SUV39H2: variants seen among roughly 807,000 people sequenced by gnomAD.
The protein encoded by SUV39H2 is SUV39H2 histone lysine methyltransferase.
Under a neutral mutation model 47.5 loss-of-function variants are expected in SUV39H2, and 10 were observed. The observed-to-expected ratio is 0.21, with a 90% CI of 0.13 to 0.36. The LOEUF is 0.36. Ranked by LOEUF, SUV39H2 falls within the 10% of genes least tolerant of loss-of-function variation. The probability of loss-of-function intolerance (pLI) is 1.00; values close to 1 mark genes in which losing one functional copy is unlikely to be tolerated. For missense variants in SUV39H2, 266 were observed against 487.4 expected (o/e 0.55, Z 4.28); for synonymous variants, 159 against 166.8 (o/e 0.95, Z 0.36).
chr10:14,879,136 T>C lies in SUV39H2; in HGVS notation c.31+217T>C, dbSNP rs1289744286. 1.5e-5 allele frequency: 19 copies of C among 1,232,586 alleles called. No homozygotes were observed. In the East Asian group the frequency reaches 3.8e-4, roughly 24 times the overall value. The allele number at this position is 1,232,586 out of a possible 1,614,324, so 76.4% of individuals were successfully genotyped here. ...CGGCTCCCGCCGCGGAGGTGGGCACTGTCCGAGCCTGGGGCACTTCGGAAG... is the reference window on the plus strand; with the variant it reads ...CGGCTCCCGCCGCGGAGGTGGGCACCGTCCGAGCCTGGGGCACTTCGGAAG... On this transcript the variant is annotated intron_variant, in intron 1 of 5. Transcript: ENST00000354919.
At chr10:14,883,414 G>C (rs191112993) in intron 2 of SUV39H2, among the ~76,000 whole-genome samples, 40 of 151,898 alleles carry the variant, frequency 2.6e-4, no homozygotes, top group African/African-American at 9.6e-4. Flanking sequence ...GTACAATTCA[G>C]ATTTTGTAAA....
At chr10:14,901,301 A>C in intron 5 of SUV39H2, 39 bp downstream of exon 5, 1 of 1,611,160 alleles carries the variant, frequency 6.2e-7, no homozygotes, top group Non-Finnish European at 8.5e-7. Context: ...TGTCAGTTTC[A>C]ATATGAAGAA....
At chr10:14,879,083 A>G (rs1432420702) in intron 1 of SUV39H2, 164 bp downstream of exon 1, 3 of 1,284,432 alleles carry the variant, frequency 2.3e-6, no homozygotes, top group Non-Finnish European at 2.9e-6. Context: ...ATCCTCCCCC[A>G]GGCCGCTGAC....
intron 3 of SUV39H2, 182 bp from the exon 4 acceptor site, chr10:14,899,357 T>C (rs1251314597): frequency 2.8e-6 from 2 of 704,882 alleles, no homozygotes; most frequent in Non-Finnish European, 5.0e-6. Flanking sequence ...TTATCATTTT[T>C]CTTCCCCTCA....
chr10:14,881,678 C>G, intron 2 of SUV39H2, 33 bp downstream of exon 2: 6 of 1,392,108 alleles, frequency 4.3e-6, no homozygotes, highest in Non-Finnish European at 5.6e-6. Context: ...TACAAGAGAC[C>G]TAATCAGACT....
intron 2 of SUV39H2, among the ~76,000 whole-genome samples, chr10:14,888,932 T>C (rs551160628): frequency 2.1e-4 from 32 of 152,208 alleles, no homozygotes; most frequent in Admixed American, 1.4e-3. Context: ...GGAGAAACCC[T>C]GTCTCTACTA....
chr10:14,892,742 G>A lies in SUV39H2; in HGVS notation c.178-4104G>A, dbSNP rs115680379. Among the ~76,000 whole-genome samples, 1,420 of 151,724 alleles carry A rather than the reference G, an allele frequency of 9.4e-3. 23 individuals are homozygous for A. The highest frequency in any genetic ancestry group is 0.032 in the African/African-American group (1,307 of 41,330). On this transcript the variant is annotated intron_variant, in intron 2 of 5. Coordinates refer to ENST00000354919, the MANE Select transcript of SUV39H2 (RefSeq NM_001193424.2). The stretch of plus-strand genomic sequence containing the variant: ...TCCCTATACCCCCTAGTGACCAAAC[G>A]TTCATATACTTATTATAGATCCTAA...
In SUV39H2 at chr10:14,904,024, G is replaced by A. The variant is rs1212484088; in HGVS notation, c.*1512G>A. On this transcript the variant is annotated 3_prime_UTR_variant, in exon 6 of 6. Transcript: ENST00000354919. ...ACCAAAATTGCAGAATGGGGGGCCAGGCCTGTGTGGTGGCTCACACCTGTG... is the reference window on the plus strand; with the variant it reads ...ACCAAAATTGCAGAATGGGGGGCCAAGCCTGTGTGGTGGCTCACACCTGTG... 1 of 152,222 alleles carries A rather than the reference G, an allele frequency of 6.6e-6. No individual in the cohort carries two copies. The highest frequency in any genetic ancestry group is 1.9e-4 in the East Asian group (1 of 5,192). 9.4% of individuals were successfully genotyped at this position (152,222 alleles called of 1,614,324 possible). A position where few individuals can be genotyped will look rare whatever the true frequency, so the allele number is the denominator to read the frequency against.
At chr10:14,898,427 T>C (rs1833757814) in intron 3 of SUV39H2, 1 of 151,540 alleles carries the variant, frequency 6.6e-6, no homozygotes, top group Non-Finnish European at 1.5e-5. Flanking sequence ...ATATCTGGAG[T>C]TGTCAACTCT....
At chr10:14,895,014 T>A (rs1833521608) in intron 2 of SUV39H2, among the ~76,000 whole-genome samples, 1 of 152,186 alleles carries the variant, frequency 6.6e-6, no homozygotes. Flanking sequence ...AACTGTCCAA[T>A]GCAGTTTAAT....
chr10:14,897,764 A>G, intron 3 of SUV39H2: 1 of 276,920 alleles, frequency 3.6e-6, no homozygotes, highest in Non-Finnish European at 6.6e-6. Context: ...ACACATTCCT[A>G]CTAGTCAAAC....
intron 1 of SUV39H2, 54 bp downstream of exon 1, chr10:14,878,973 G>A: frequency 2.2e-6 from 3 of 1,372,204 alleles, no homozygotes; most frequent in Non-Finnish European, 2.8e-6. Context: ...AAGCTCCCAA[G>A]GCCCGGGCGG....
chr10:14,901,617 G>A (rs1196253866), intron 5 of SUV39H2, among the ~76,000 whole-genome samples: 2 of 151,018 alleles, frequency 1.3e-5, no homozygotes, highest in South Asian at 2.1e-4. Flanking sequence ...CTGGGCTTGA[G>A]CCCAGGAATT....
rs150348587 is a variant in SUV39H2 at position 14,884,492 on chromosome 10, G to T, written c.177+2847G>T. ...AGAAATGTCTGTTCAGATCCTTTGCGCATTTTAAAAATTGGATTGTCTGTT... is the reference window on the plus strand; with the variant it reads ...AGAAATGTCTGTTCAGATCCTTTGCTCATTTTAAAAATTGGATTGTCTGTT... On this transcript the variant is annotated intron_variant, in intron 2 of 5. Coordinates refer to ENST00000354919, the MANE Select transcript of SUV39H2 (RefSeq NM_001193424.2). 2.1e-3 allele frequency among the ~76,000 whole-genome samples: 316 copies of T among 152,242 alleles called. 1 individual carries two copies. Among genetic ancestry groups the T allele is most frequent in the Non-Finnish European group, 3.4e-3 (228 of 68,008 alleles).
chr10:14,879,078 C>G (rs973319663), intron 1 of SUV39H2, 159 bp downstream of exon 1: 1 of 1,289,262 alleles, frequency 7.8e-7, no homozygotes, highest in Non-Finnish European at 9.8e-7. Flanking sequence ...CGCCTATCCT[C>G]CCCCAGGCCG....
intron 1 of SUV39H2, chr10:14,880,029 A>G (rs1259425175): frequency 1.3e-5 from 2 of 151,804 alleles, no homozygotes; most frequent in Non-Finnish European, 2.9e-5. Flanking sequence ...CCTTGAGTAG[A>G]TAAGAGGAAC....
rs528897908 is a variant in SUV39H2 at position 14,882,260 on chromosome 10, A to G, written c.177+615A>G. 1.2e-4 allele frequency among the ~76,000 whole-genome samples: 18 copies of G among 152,352 alleles called. No homozygotes were observed. The South Asian group carries it at 3.3e-3, about 28-fold the overall frequency. On this transcript the variant is annotated intron_variant, in intron 2 of 5. Transcript: ENST00000354919. The stretch of plus-strand genomic sequence containing the variant: ...ATATTTTTGAGTAATTCATCTGTCT[A>G]TAGCCTACCTCACTTTCCAAGAACT...
At chr10:14,880,209 C>A (rs1282809922) in intron 1 of SUV39H2, 1 of 152,196 alleles carries the variant, frequency 6.6e-6, no homozygotes, top group Non-Finnish European at 1.5e-5. Context: ...GAGGAAAATA[C>A]CTTTGTCTTT....
chr10:14,896,764 A>T lies in SUV39H2; in HGVS notation c.178-82A>T. The T allele has an allele frequency of 2.5e-6, 3 of 1,221,564 alleles. No individual in the cohort carries two copies. The South Asian group carries it at 4.6e-5, about 19-fold the overall frequency. The allele number at this position is 1,221,564 out of a possible 1,614,324, so 75.7% of individuals were successfully genotyped here. On this transcript the variant is annotated intron_variant, in intron 2 of 5. Coordinates refer to ENST00000354919, the MANE Select transcript of SUV39H2 (RefSeq NM_001193424.2). ...TAAGAAAAATGGTATTGGATACCTT[A>T]CTCTTTAAGATTTTTAATTATTTTT...
Sources: allele counts gnomAD v4.1 joint callset (sites outside exome capture counted in the v4.1 genomes callset), GRCh38; gene constraint gnomAD v4.1.1; transcripts MANE v1.5; gene names NCBI Gene and HGNC (gene_info 2026-07-23, HGNC 2026-07-21).